The following ZRANB1 variants were observed in gnomAD, a reference collection of about 807,000 sequenced individuals.
ZRANB1 encodes the protein ubiquitin thioesterase ZRANB1.
In ZRANB1, 16 loss-of-function variants were observed where a neutral mutation model predicts 80.5. The observed-to-expected ratio is 0.20, with a 90% CI of 0.13 to 0.30. The LOEUF (loss-of-function observed/expected upper bound fraction) is 0.30. Ranked by LOEUF, ZRANB1 falls within the 10% of genes least tolerant of loss-of-function variation. The pLI is 1.00. For missense variants in ZRANB1, 576 were observed against 862.6 expected (o/e 0.67, Z 4.16); for synonymous variants, 291 against 293.1 (o/e 0.99, Z 0.07).
At chr10:124,943,374 G>C (rs1241508873) in intron 1 of ZRANB1, 67 bp downstream of exon 1, 2 of 1,446,690 alleles carry the variant, frequency 1.4e-6, no homozygotes, top group African/African-American at 2.8e-5. Flanking sequence ...TATGAAAAGA[G>C]CTGGGTGCGC....
chr10:124,981,599 A>T (rs1420108657), intron 5 of ZRANB1, 110 bp from the exon 6 acceptor site: 3 of 1,033,530 alleles, frequency 2.9e-6, no homozygotes. Context: ...AAAATTATTA[A>T]TTGTTTCACA....
rs3906796 is a variant in ZRANB1 at position 124,985,429 on chromosome 10, A to C, written c.*437A>C. 121,676 of 154,084 alleles carry C rather than the reference A, an allele frequency of 0.79. 49,483 individuals are homozygous for C. Among genetic ancestry groups the C allele is most frequent in the East Asian group, 0.95 (4,957 of 5,222 alleles). 9.5% of individuals were successfully genotyped at this position (154,084 alleles called of 1,614,324 possible). ...TTATTTCAGTAGAACCTGGCATTCTACTTTCACCTTAAAAGATCCATCTAA... is the reference window on the plus strand; with the variant it reads ...TTATTTCAGTAGAACCTGGCATTCTCCTTTCACCTTAAAAGATCCATCTAA... On this transcript the variant is annotated 3_prime_UTR_variant, in exon 9 of 9. Transcript: ENST00000359653.
At chr10:124,976,154 G>A (rs1283599413) in intron 5 of ZRANB1, among the ~76,000 whole-genome samples, 1 of 152,210 alleles carries the variant, frequency 6.6e-6, no homozygotes, top group East Asian at 1.9e-4. Flanking sequence ...ATTAGTAATT[G>A]TCCTGGAGAG....
At position 124,983,308 on chromosome 10, in the gene ZRANB1, A is replaced by G; in HGVS notation, c.1678+4A>G. 6.2e-7 allele frequency: 1 copy of G among 1,613,434 alleles called. No individual in the cohort carries two copies. Among genetic ancestry groups the G allele is most frequent in the Non-Finnish European group, 8.5e-7 (1 of 1,179,748 alleles). On this transcript the variant is annotated splice_donor_region_variant and intron_variant, in intron 7 of 8. Transcript: ENST00000359653. This position sits in a 1 kb window ranked among gnomAD's most constrained non-coding sequence, Gnocchi z 6.2. ...TTAGGATATACTCGGTTTCAAGGTA[A>G]GCCATTATTCAGGAACGTTTTACAA...
the ZRANB1 span, among the ~76,000 whole-genome samples, chr10:124,919,152 G>C: frequency 6.6e-6 from 1 of 152,198 alleles, no homozygotes; most frequent in Admixed American, 6.5e-5. Flanking sequence ...TGATCTAGTT[G>C]TACAATATAT....
intron 2 of ZRANB1, among the ~76,000 whole-genome samples, chr10:124,971,743 TAA>T (rs1951827856): frequency 6.6e-6 from 1 of 152,212 alleles, no homozygotes; most frequent in South Asian, 2.1e-4. Flanking sequence ...GATAAATTCT[TAA>T]AGAGAATTAC....
the ZRANB1 span, among the ~76,000 whole-genome samples, chr10:124,919,638 GTC>G: frequency 1.7e-5 from 2 of 118,702 alleles, no homozygotes; most frequent in Non-Finnish European, 3.3e-5. Flanking sequence ...TTGAGATGTA[GTC>G]TCTCTCTGTC....
At chr10:124,975,291 C>T (rs939243115) in intron 5 of ZRANB1, among the ~76,000 whole-genome samples, 1 of 151,992 alleles carries the variant, frequency 6.6e-6, no homozygotes, top group African/African-American at 2.4e-5. Flanking sequence ...AACATTTTGC[C>T]ACACCTGCTC....
the ZRANB1 span, among the ~76,000 whole-genome samples, chr10:124,918,963 T>G: frequency 6.6e-6 from 1 of 152,224 alleles, no homozygotes; most frequent in African/African-American, 2.4e-5. Context: ...TCGATACCTT[T>G]TATTAATGCC....
At chr10:124,946,391 C>T (rs563175715) in intron 1 of ZRANB1, 1 of 147,510 alleles carries the variant, frequency 6.8e-6, no homozygotes, top group Admixed American at 6.8e-5. Flanking sequence ...GCACTGCAGC[C>T]TGGGCAACAA....
At chr10:124,980,471 T>C (rs1252182297) in intron 5 of ZRANB1, among the ~76,000 whole-genome samples, 3 of 152,104 alleles carry the variant, frequency 2.0e-5, no homozygotes, top group Admixed American at 2.0e-4. Context: ...CATATAACTT[T>C]CAGTATTGAC....
chr10:124,953,492 G>T (rs1000954710), intron 1 of ZRANB1, among the ~76,000 whole-genome samples: 2 of 152,172 alleles, frequency 1.3e-5, no homozygotes, highest in Non-Finnish European at 2.9e-5. Flanking sequence ...TTTCAGGTCA[G>T]CGAAATAAAT....
the ZRANB1 span, among the ~76,000 whole-genome samples, chr10:124,930,284 T>A: frequency 6.6e-6 from 1 of 152,160 alleles, no homozygotes; most frequent in Non-Finnish European, 1.5e-5. Flanking sequence ...CTTTCTTTCT[T>A]TCATGGATTC....
the ZRANB1 span, among the ~76,000 whole-genome samples, chr10:124,926,987 C>T: frequency 1.3e-5 from 2 of 152,284 alleles, no homozygotes; most frequent in South Asian, 2.1e-4. Flanking sequence ...GATGGAGTCT[C>T]GCTGTCGCCC....
chr10:124,973,838 G>A (rs745322416), intron 4 of ZRANB1, 122 bp downstream of exon 4: 13 of 847,938 alleles, frequency 1.5e-5, no homozygotes, highest in Middle Eastern at 2.6e-4. Context: ...AATTAAAGAC[G>A]TAAAGTCCTG....
chr10:124,972,697 G>A (rs1951837268), intron 3 of ZRANB1, among the ~76,000 whole-genome samples: 1 of 151,736 alleles, frequency 6.6e-6, no homozygotes, highest in Non-Finnish European at 1.5e-5. Flanking sequence ...TTGTCAGTTG[G>A]CATTGAATAA....
chr10:124,978,626 T>C (rs1294262471), intron 5 of ZRANB1, among the ~76,000 whole-genome samples: 1 of 152,074 alleles, frequency 6.6e-6, no homozygotes, highest in East Asian at 1.9e-4. Flanking sequence ...TTTAGAATTA[T>C]TCCTTTTTTT....
At chr10:124,973,451 C>T (rs1042517996) in intron 3 of ZRANB1, among the ~76,000 whole-genome samples, 194 bp from the exon 4 acceptor site, 3 of 152,154 alleles carry the variant, frequency 2.0e-5, no homozygotes, top group Non-Finnish European at 2.9e-5. Flanking sequence ...GCCATTGCAC[C>T]CGGCCCAGAA....
the ZRANB1 span, among the ~76,000 whole-genome samples, chr10:124,927,480 T>C: frequency 6.6e-6 from 1 of 152,200 alleles, no homozygotes; most frequent in East Asian, 1.9e-4. Flanking sequence ...TTAACTTCAC[T>C]TTTTGGTATT....
Sources: allele counts gnomAD v4.1 joint callset (sites outside exome capture counted in the v4.1 genomes callset), GRCh38; gene constraint gnomAD v4.1.1; non-coding constraint Gnocchi (gnomAD v3.1); transcripts MANE v1.5; gene names NCBI Gene and HGNC (gene_info 2026-07-23, HGNC 2026-07-21).